SSU72L6: variants seen among roughly 807,000 people sequenced by gnomAD.
SSU72L6 encodes the protein RNA polymerase II subunit A C-terminal domain phosphatase SSU72 like protein 6.
At chr7:124,476,651 G>A in the SSU72L6 span, 3 of 780,664 alleles carry the variant, frequency 3.8e-6, no homozygotes, top group Middle Eastern at 2.3e-4. Context: ...ATCAAGCCTG[G>A]CCCAGAAAGA....
chr7:124,476,859 G>T, the SSU72L6 span: 5 of 766,912 alleles, frequency 6.5e-6, no homozygotes. Flanking sequence ...AGTGCCTGCA[G>T]CAGTCCGACG....
chr7:124,477,515 A>T, the SSU72L6 span, among the ~76,000 whole-genome samples: 2 of 151,998 alleles, frequency 1.3e-5, no homozygotes, highest in Non-Finnish European at 2.9e-5. Context: ...CATATAGATT[A>T]TATCTTTTTT....
At chr7:124,477,574 ATAT>A in the SSU72L6 span, among the ~76,000 whole-genome samples, 2 of 151,752 alleles carry the variant, frequency 1.3e-5, no homozygotes, top group Non-Finnish European at 2.9e-5. Flanking sequence ...AATGAACTAC[ATAT>A]TATTGTAAAA....
chr7:124,476,869 G>C, the SSU72L6 span: 1,336 of 765,764 alleles, frequency 1.7e-3, 3 homozygotes, highest in Non-Finnish European at 2.4e-3. Context: ...GCAGTCCGAC[G>C]ACATGGAAGA....
chr7:124,477,241 T>C, the SSU72L6 span, among the ~76,000 whole-genome samples: 21 of 152,356 alleles, frequency 1.4e-4, no homozygotes, highest in African/African-American at 5.1e-4. Flanking sequence ...TATCCCACCA[T>C]GACTGCATTT....
chr7:124,477,583 T>C, the SSU72L6 span, among the ~76,000 whole-genome samples: 1 of 151,044 alleles, frequency 6.6e-6, no homozygotes, highest in Non-Finnish European at 1.5e-5. Flanking sequence ...CATATTATTG[T>C]AAAATTTGGA....
chr7:124,477,007 T>C, the SSU72L6 span: 1 of 658,024 alleles, frequency 1.5e-6, no homozygotes, highest in Non-Finnish European at 2.7e-6. Flanking sequence ...GGCATGGGAC[T>C]TTAGTCCAGA....
the SSU72L6 span, chr7:124,476,602 C>T: frequency 5.1e-6 from 4 of 780,556 alleles, no homozygotes; most frequent in African/African-American, 1.7e-5. Context: ...ATGCTACACC[C>T]ACAATGGAAT....
chr7:124,476,588 G>C, the SSU72L6 span: 1 of 780,714 alleles, frequency 1.3e-6, no homozygotes, highest in African/African-American at 1.7e-5. Context: ...AGGAAAGATA[G>C]AGAATGCTAC....
the SSU72L6 span, chr7:124,476,797 G>T: frequency 5.1e-6 from 4 of 778,132 alleles, 1 homozygote; most frequent in African/African-American, 5.1e-5. Context: ...GGACATCAAA[G>T]ATACCCTGGA....
the SSU72L6 span, chr7:124,477,013 C>G: frequency 7.7e-6 from 5 of 646,744 alleles, no homozygotes; most frequent in South Asian, 8.8e-5. Flanking sequence ...GGACTTTAGT[C>G]CAGATTGATT....
At chr7:124,477,015 A>G in the SSU72L6 span, 1 of 642,432 alleles carries the variant, frequency 1.6e-6, no homozygotes, top group African/African-American at 1.8e-5. Flanking sequence ...ACTTTAGTCC[A>G]GATTGATTGT....
At chr7:124,476,874 G>A in the SSU72L6 span, 1 of 765,640 alleles carries the variant, frequency 1.3e-6, no homozygotes, top group Non-Finnish European at 2.4e-6. Context: ...CCGACGACAT[G>A]GAAGACAGTC....
chr7:124,476,417 T>C, the SSU72L6 span: 1 of 779,468 alleles, frequency 1.3e-6, no homozygotes, highest in Non-Finnish European at 2.4e-6. Flanking sequence ...GTGAGCAACA[T>C]CAACAGGAGC....
chr7:124,476,808 A>G, the SSU72L6 span: 1 of 776,626 alleles, frequency 1.3e-6, no homozygotes, highest in East Asian at 2.4e-5. Context: ...ATACCCTGGA[A>G]GGTGCCATCC....
At chr7:124,476,861 A>T in the SSU72L6 span, 1 of 766,806 alleles carries the variant, frequency 1.3e-6, no homozygotes, top group Admixed American at 1.7e-5. Context: ...TGCCTGCAGC[A>T]GTCCGACGAC....
At chr7:124,477,214 T>C in the SSU72L6 span, among the ~76,000 whole-genome samples, 1 of 152,232 alleles carries the variant, frequency 6.6e-6, no homozygotes, top group African/African-American at 2.4e-5. Context: ...AATGCTTATA[T>C]TATTCTACAA....
chr7:124,477,454 C>G, the SSU72L6 span, among the ~76,000 whole-genome samples: 6 of 150,876 alleles, frequency 4.0e-5, no homozygotes, highest in East Asian at 2.0e-4. Context: ...AAATGTTGTT[C>G]TTCTTTAATA....
the SSU72L6 span, chr7:124,476,788 G>A: frequency 5.1e-6 from 4 of 779,360 alleles, no homozygotes; most frequent in Non-Finnish European, 9.6e-6. Context: ...GATCAACATG[G>A]ACATCAAAGA....
Sources: allele counts gnomAD v4.1 joint callset (sites outside exome capture counted in the v4.1 genomes callset), GRCh38; gene constraint gnomAD v4.1.1; transcripts MANE v1.5; gene names NCBI Gene and HGNC (gene_info 2026-07-23, HGNC 2026-07-21).